The following C1QTNF7 variants were observed in gnomAD, a reference collection of about 807,000 sequenced individuals.
C1QTNF7 encodes the protein C1q and TNF related 7, also known as complement C1q tumor necrosis factor-related protein 7.
Under a neutral mutation model 19.6 loss-of-function variants are expected in C1QTNF7, and 15 were observed. That is an observed-to-expected ratio of 0.76 (90% CI 0.51 to 1.18). The LOEUF (loss-of-function observed/expected upper bound fraction) is 1.18. Ranked by LOEUF, C1QTNF7 falls within the 50% of genes most tolerant of loss-of-function variation. C1QTNF7 has a pLI of 0.00. For missense variants in C1QTNF7, 324 were observed against 359.7 expected (o/e 0.90, Z 0.80); for synonymous variants, 142 against 137.5 (o/e 1.03, Z -0.23).
At chr4:15,404,218 A>T (rs1329093045) in intron 1 of C1QTNF7, among the ~76,000 whole-genome samples, 1 of 152,246 alleles carries the variant, frequency 6.6e-6, no homozygotes. Context: ...GACCAAAACC[A>T]TGAGCTGCTC....
chr4:15,423,237 T>C (rs2086636863), upstream of C1QTNF7, among the ~76,000 whole-genome samples: 1 of 152,172 alleles, frequency 6.6e-6, no homozygotes, highest in Admixed American at 6.5e-5. Flanking sequence ...CTCAAGCAGA[T>C]AACCTCTGAG....
In C1QTNF7 at chr4:15,435,856, G is replaced by C. The variant is rs774073370; in HGVS notation, c.113G>C (p.Gly38Ala). 3 of 1,614,088 alleles carry C rather than the reference G, an allele frequency of 1.9e-6. No homozygotes were observed. Among genetic ancestry groups the C allele is most frequent in the South Asian group, 2.2e-5 (2 of 91,074 alleles). The change falls in exon 2 of 3, where the codon GGC (glycine) becomes GCC (alanine). Residue 38 changes from glycine to alanine, a missense_variant. Gly to Ala is a moderately conservative substitution (Grantham distance 60). Transcript: ENST00000444304. ...YSPRYICSIP[G>A]LPGPPGPPGA... is the part of the protein sequence containing the mutation. The stretch of plus-strand genomic sequence containing the variant: ...CCCAGGTATATCTGCAGCATTCCTG[G>C]CTTGCCTGGACCTCCAGGGCCCCCT...
At chr4:15,426,901 C>T (rs543017236), upstream of C1QTNF7, among the ~76,000 whole-genome samples, 1 of 152,284 alleles carries the variant, frequency 6.6e-6, no homozygotes, top group Admixed American at 6.5e-5. Context: ...TGGAAATAAT[C>T]AAGGACAACC....
At chr4:15,351,000 T>C (rs1316744075) in intron 1 of C1QTNF7, among the ~76,000 whole-genome samples, 1 of 152,330 alleles carries the variant, frequency 6.6e-6, no homozygotes, top group African/African-American at 2.4e-5. Flanking sequence ...GCCGTCAGTT[T>C]CCAGGCTCAT....
intron 1 of C1QTNF7, among the ~76,000 whole-genome samples, chr4:15,422,406 G>A (rs1407785143): frequency 6.6e-6 from 1 of 152,070 alleles, no homozygotes; most frequent in East Asian, 1.9e-4. Flanking sequence ...GGAAGGAAAA[G>A]AGCTTACTTG....
chr4:15,428,693 C>A (rs1712166893), intron 1 of C1QTNF7, among the ~76,000 whole-genome samples: 1 of 152,102 alleles, frequency 6.6e-6, no homozygotes, highest in Non-Finnish European at 1.5e-5. Context: ...AAGCAAAGAA[C>A]TGGTGAACAA....
At chr4:15,369,983 A>G (rs1475285697) in intron 1 of C1QTNF7, among the ~76,000 whole-genome samples, 4 of 152,228 alleles carry the variant, frequency 2.6e-5, no homozygotes, top group African/African-American at 9.6e-5. Flanking sequence ...ACATGAGATC[A>G]TATTGTATTC....
chr4:15,349,794 T>C (rs1716845054), intron 1 of C1QTNF7, among the ~76,000 whole-genome samples: 5 of 152,142 alleles, frequency 3.3e-5, no homozygotes, highest in Admixed American at 1.3e-4. Flanking sequence ...TCACTAAAAA[T>C]CCACTGCTGT....
intron 1 of C1QTNF7, among the ~76,000 whole-genome samples, chr4:15,408,879 C>T (rs1719300737): frequency 6.6e-6 from 1 of 152,154 alleles, no homozygotes; most frequent in African/African-American, 2.4e-5. Context: ...TGTTGAAGCC[C>T]TAACCCCAGC....
intron 1 of C1QTNF7, among the ~76,000 whole-genome samples, chr4:15,412,650 T>C (rs1719445760): frequency 6.6e-6 from 1 of 152,182 alleles, no homozygotes. Flanking sequence ...TCTCACCACG[T>C]ATGGTAAACA....
At chr4:15,382,268 G>T (rs747345647) in intron 1 of C1QTNF7, among the ~76,000 whole-genome samples, 1 of 152,002 alleles carries the variant, frequency 6.6e-6, no homozygotes, top group Non-Finnish European at 1.5e-5. Flanking sequence ...TCCAGTCAAA[G>T]ATTTAAAGCT....
rs78675129 is a variant in C1QTNF7, at chr4:15,352,542, T to A, written c.13+12335T>A. ...CACCATGGCCTCTGAATAAAATGAA[T>A]GAAAAGTGAAAATGTATCAGAGGGG... On this transcript the variant is annotated intron_variant, in intron 1 of 2. Coordinates refer to the C1QTNF7 transcript ENST00000295297. Among the ~76,000 whole-genome samples the A allele has an allele frequency of 2.2e-3, 342 of 152,190 alleles. 3 individuals carry two copies. Among genetic ancestry groups the A allele is most frequent in the African/African-American group, 7.9e-3 (330 of 41,524 alleles).
Position 15,442,629 on chromosome 4 carries a change from T to C in C1QTNF7, c.700T>C (p.Ser234Pro), listed in dbSNP as rs932874175. Residue 234 changes from serine (S) to proline (P), a missense_variant, in exon 3 of 3, where the codon TCC becomes CCC. By Grantham distance (74) the Ser-to-Pro change is moderately conservative. Transcript: ENST00000444304. ...NTGNHDVASG[S>P]TVIYLQPEDE... Reference sequence around the variant, plus strand: ...AGGAAACCATGATGTGGCTTCGGGGTCCACAGTCATCTATCTGCAGCCAGA... The same window carrying C: ...AGGAAACCATGATGTGGCTTCGGGGCCCACAGTCATCTATCTGCAGCCAGA... 6.2e-7 allele frequency: 1 copy of C among 1,614,012 alleles called. No homozygotes were observed. Among genetic ancestry groups the C allele is most frequent in the Non-Finnish European group, 8.5e-7 (1 of 1,180,036 alleles).
chr4:15,340,264 C>T, intron 1 of C1QTNF7: 1 of 1,535,258 alleles, frequency 6.5e-7, no homozygotes, highest in Admixed American at 2.0e-5. Context: ...CGGCCTTCAT[C>T]AAAATATTTC....
upstream of C1QTNF7, among the ~76,000 whole-genome samples, chr4:15,423,536 C>T (rs16891928): frequency 9.7e-3 from 1,480 of 152,296 alleles, 16 homozygotes; most frequent in Non-Finnish European, 0.017. Flanking sequence ...GCCAGGAAAG[C>T]GGCAGCAGGC....
In C1QTNF7 at chr4:15,393,506, T is replaced by G. The variant is rs115842036; in HGVS notation, c.14-42230T>G. Among the ~76,000 whole-genome samples the G allele has an allele frequency of 3.9e-3, 587 of 152,270 alleles. 5 individuals carry two copies. Among genetic ancestry groups the G allele is most frequent in the African/African-American group, 0.014 (563 of 41,554 alleles). On this transcript the variant is annotated intron_variant, in intron 1 of 2. Coordinates refer to the C1QTNF7 transcript ENST00000295297. ...TTCTCAGAATCATCTGGGATCACAT[T>G]AAAACGCAGACTCTCGAGCCCAACA... is the stretch of plus-strand genomic sequence containing the variant.
intron 1 of C1QTNF7, among the ~76,000 whole-genome samples, chr4:15,404,290 G>A (rs1719113881): frequency 6.6e-6 from 1 of 152,116 alleles, no homozygotes; most frequent in South Asian, 2.1e-4. Context: ...ACAATACATG[G>A]GGCCTAAGGA....
intron 1 of C1QTNF7, among the ~76,000 whole-genome samples, chr4:15,350,169 GC>G (rs1716866517): frequency 2.6e-5 from 2 of 75,932 alleles, no homozygotes; most frequent in African/African-American, 5.6e-5. Flanking sequence ...GAGGGAGGGA[GC>G]GAAGGAGGGA....
chr4:15,365,285 T>C (rs1467870380), intron 1 of C1QTNF7, among the ~76,000 whole-genome samples: 3 of 152,164 alleles, frequency 2.0e-5, no homozygotes, highest in African/African-American at 7.2e-5. Flanking sequence ...TATACTTGTG[T>C]ACCTTAGAAT....
Sources: gnomAD v4.1 joint callset for allele counts (sites outside exome capture counted in the v4.1 genomes callset) on GRCh38, gnomAD v4.1.1 for gene constraint, MANE v1.5 for transcripts, NCBI Gene and HGNC (gene_info 2026-07-23, HGNC 2026-07-21) for gene names.